Variants in B3GALT1 observed in about 807,000 individuals in gnomAD.
The protein encoded by B3GALT1 is UDP-Gal:betaGlcNAc beta 1,3-galactosyltransferase, polypeptide 1.
B3GALT1 carries 10 observed loss-of-function variants against 23.2 expected under a neutral mutation model. The observed-to-expected ratio is 0.43, with a 90% CI of 0.27 to 0.73. The LOEUF is 0.73. Among genes scored for constraint, B3GALT1 ranks in the 30% least tolerant of loss-of-function variants. The probability of loss-of-function intolerance (pLI) is 0.21; values close to 1 mark genes in which losing one functional copy is unlikely to be tolerated. For synonymous variants in B3GALT1, 156 were observed against 141.5 expected, an observed-to-expected ratio of 1.10 and a Z score of -0.73; for missense variants, 299 against 405.4, an observed-to-expected ratio of 0.74 and a Z score of 2.25.
chr2:167,566,785 C>G (rs1684179749), intron 2 of B3GALT1, among the ~76,000 whole-genome samples: 1 of 152,114 alleles, frequency 6.6e-6, no homozygotes, highest in African/African-American at 2.4e-5. Flanking sequence ...TCCTGAGTCA[C>G]TCAGTCCTTT....
At chr2:167,363,022 A>C (rs1697521280) in intron 1 of B3GALT1, among the ~76,000 whole-genome samples, 2 of 151,688 alleles carry the variant, frequency 1.3e-5, no homozygotes, top group African/African-American at 4.8e-5. Context: ...CGCCCGGCTA[A>C]TTTTTGTATT....
At chr2:167,828,999 A>G (rs542232774) in intron 4 of B3GALT1, among the ~76,000 whole-genome samples, 1 of 152,300 alleles carries the variant, frequency 6.6e-6, no homozygotes, top group Non-Finnish European at 1.5e-5. Context: ...ACAGAGAGAA[A>G]CGTTTACCAA....
intron 3 of B3GALT1, among the ~76,000 whole-genome samples, chr2:167,792,610 G>A (rs992253752): frequency 1.3e-5 from 2 of 152,174 alleles, no homozygotes; most frequent in Non-Finnish European, 2.9e-5. Context: ...GCAGGAACCA[G>A]ATGGTAGAAC....
At chr2:167,474,290 AATG>A (rs1699462261) in intron 1 of B3GALT1, among the ~76,000 whole-genome samples, 1 of 152,198 alleles carries the variant, frequency 6.6e-6, no homozygotes, top group South Asian at 2.1e-4. Context: ...CTTGTAAAGA[AATG>A]ATGATTGGAT....
At chr2:167,681,603 T>C (rs1395020142) in intron 3 of B3GALT1, among the ~76,000 whole-genome samples, 1 of 152,254 alleles carries the variant, frequency 6.6e-6, no homozygotes, top group African/African-American at 2.4e-5. Flanking sequence ...TTGATTTACA[T>C]ATCACCTTGT....
rs576666334 is a variant in B3GALT1, at chr2:167,374,338, C to G, written c.-511+81004C>G. The stretch of plus-strand genomic sequence containing the variant: ...GCGATGAACATGCAAGTGCATGGGT[C>G]TTTTTGGTAGAATGATTTGTTTTCT... On this transcript the variant is annotated intron_variant, in intron 1 of 4. Coordinates refer to ENST00000392690, the MANE Select transcript of B3GALT1 (RefSeq NM_020981.4). Among the ~76,000 whole-genome samples, 4 of 152,240 alleles carry G rather than the reference C, an allele frequency of 2.6e-5. No individual in the cohort carries two copies. The South Asian group carries it at 6.2e-4, about 24-fold the overall frequency.
intron 4 of B3GALT1, among the ~76,000 whole-genome samples, chr2:167,824,132 C>A (rs180707569): frequency 1.3e-5 from 2 of 152,238 alleles, no homozygotes; most frequent in African/African-American, 4.8e-5. Context: ...TTCAAAGAAC[C>A]CATGATGGGG....
chr2:167,309,453 A>G (rs761747846), intron 1 of B3GALT1, among the ~76,000 whole-genome samples: 9 of 152,070 alleles, frequency 5.9e-5, no homozygotes, highest in East Asian at 1.9e-4. Context: ...GTATTATTCT[A>G]TGTTTATGAA....
chr2:167,518,033 CAACAAA>C (rs1186453471), intron 2 of B3GALT1, among the ~76,000 whole-genome samples: 1 of 151,854 alleles, frequency 6.6e-6, no homozygotes, highest in East Asian at 1.9e-4. Flanking sequence ...ACAACAACAA[CAACAAA>C]AAAAATTGTA....
chr2:167,435,920 G>T (rs932690271), intron 1 of B3GALT1, among the ~76,000 whole-genome samples: 8 of 150,326 alleles, frequency 5.3e-5, no homozygotes, highest in Non-Finnish European at 4.4e-5. Flanking sequence ...CTTGATCTCT[G>T]CTTTTCTCCA....
chr2:167,873,871 A>G lies in B3GALT1; in HGVS notation c.*3851A>G, dbSNP rs1021187997. 1.3e-5 allele frequency: 2 copies of G among 152,258 alleles called. No individual in the cohort carries two copies. The highest frequency in any genetic ancestry group is 2.4e-5 in the African/African-American group (1 of 41,474). The allele number at this position is 152,258 out of a possible 1,614,324, so 9.4% of individuals were successfully genotyped here. The stretch of plus-strand genomic sequence containing the variant: ...TTTTTTGTATCAATGTTATAAAACT[A>G]AAAATGACAGACACTGAAGATATCA... On this transcript the variant is annotated 3_prime_UTR_variant, in exon 5 of 5. Coordinates refer to ENST00000392690, the MANE Select transcript of B3GALT1 (RefSeq NM_020981.4).
chr2:167,545,888 A>G (rs904280296), intron 2 of B3GALT1, among the ~76,000 whole-genome samples: 1 of 152,240 alleles, frequency 6.6e-6, no homozygotes, highest in Non-Finnish European at 1.5e-5. Flanking sequence ...GAATATTTGC[A>G]TATACGTAAT....
At chr2:167,592,002 G>A (rs531701237) in intron 2 of B3GALT1, among the ~76,000 whole-genome samples, 2 of 152,262 alleles carry the variant, frequency 1.3e-5, no homozygotes, top group East Asian at 3.9e-4. Flanking sequence ...TTGACAGTGG[G>A]TAAGGTGTAG....
At chr2:167,380,641 G>C (rs1409261389) in intron 1 of B3GALT1, among the ~76,000 whole-genome samples, 1 of 152,068 alleles carries the variant, frequency 6.6e-6, no homozygotes, top group Non-Finnish European at 1.5e-5. Flanking sequence ...CCTGGGTCTG[G>C]GAAAACGTCT....
chr2:167,763,303 C>A (rs1176745412), intron 3 of B3GALT1, among the ~76,000 whole-genome samples: 2 of 152,016 alleles, frequency 1.3e-5, no homozygotes, highest in Admixed American at 6.6e-5. Context: ...TTTCTTTCAA[C>A]CTTTAGTTGG....
chr2:167,631,009 G>A, intron 2 of B3GALT1, among the ~76,000 whole-genome samples: 1 of 113,752 alleles, frequency 8.8e-6, no homozygotes, highest in Non-Finnish European at 1.7e-5. Flanking sequence ...TAGGATTGGG[G>A]GTAAAAAAAA....
At chr2:167,550,444 A>T (rs749226970) in intron 2 of B3GALT1, among the ~76,000 whole-genome samples, 3 of 152,240 alleles carry the variant, frequency 2.0e-5, no homozygotes, top group Non-Finnish European at 2.9e-5. Context: ...GCAGTAAAGT[A>T]TCTCAAACCC....
intron 3 of B3GALT1, among the ~76,000 whole-genome samples, chr2:167,689,049 A>G (rs1039198823): frequency 2.6e-5 from 4 of 152,032 alleles, no homozygotes; most frequent in South Asian, 4.1e-4. Context: ...GGAGGAGTCA[A>G]ATCTTACTAA....
At chr2:167,446,838 A>T (rs1160692941) in intron 1 of B3GALT1, among the ~76,000 whole-genome samples, 1 of 149,368 alleles carries the variant, frequency 6.7e-6, no homozygotes, top group Non-Finnish European at 1.5e-5. Flanking sequence ...AAGTTTGATC[A>T]TCTGAAGCCT....
Sources: allele counts gnomAD v4.1 joint callset (sites outside exome capture counted in the v4.1 genomes callset), GRCh38; gene constraint gnomAD v4.1.1; transcripts MANE v1.5; gene names NCBI Gene and HGNC (gene_info 2026-07-23, HGNC 2026-07-21).